Variants in ESRRG observed in about 807,000 individuals in gnomAD.
ESRRG encodes estrogen related receptor gamma, also known as estrogen-related receptor gamma.
Under a neutral mutation model 44.0 loss-of-function variants are expected in ESRRG, and 13 were observed. The observed-to-expected ratio is 0.30, with a 90% CI of 0.19 to 0.47. The LOEUF (loss-of-function observed/expected upper bound fraction) is 0.47. Among genes scored for constraint, ESRRG ranks in the 20% least tolerant of loss-of-function variants. ESRRG has a pLI of 1.00. For synonymous variants in ESRRG, 215 were observed against 214.6 expected (o/e 1.00, Z -0.02); for missense variants, 395 against 580.6 (o/e 0.68, Z 3.29).
chr1:217,063,296 G>A (rs765765461), intron 1 of ESRRG, among the ~76,000 whole-genome samples: 1 of 152,192 alleles, frequency 6.6e-6, no homozygotes, highest in Non-Finnish European at 1.5e-5. Flanking sequence ...ATCTCCTACT[G>A]TGAAGTAACT....
In ESRRG at chr1:217,080,929, G is replaced by A. The variant is rs576957225; in HGVS notation, c.-106+8578C>T. On this transcript the variant is annotated intron_variant, in intron 1 of 7. Transcript: ENST00000359162. Reference sequence around the variant, plus strand: ...CCTGACCTCGTGATCCGCCCGCCTCGGCCTGCCAAAGTGTTGGGATTACAG... The same window carrying A: ...CCTGACCTCGTGATCCGCCCGCCTCAGCCTGCCAAAGTGTTGGGATTACAG... 9.2e-5 allele frequency among the ~76,000 whole-genome samples: 14 copies of A among 151,730 alleles called. 1 individual carries two copies. Among genetic ancestry groups the A allele is most frequent in the African/African-American group, 3.1e-4 (13 of 41,328 alleles).
chr1:216,611,211 CAAA>C (rs397861468), intron 3 of ESRRG, among the ~76,000 whole-genome samples: 68 of 60,422 alleles, frequency 1.1e-3, no homozygotes, highest in East Asian at 3.1e-3. Flanking sequence ...ACTCCGTCCT[CAAA>C]AAAAAAAAAA....
chr1:216,605,363 T>TTG (rs2059790266), intron 3 of ESRRG, among the ~76,000 whole-genome samples: 1 of 151,796 alleles, frequency 6.6e-6, no homozygotes, highest in Non-Finnish European at 1.5e-5. Context: ...TTGCAAAAGA[T>TTG]TATCAATCAT....
chr1:216,665,345 A>C (rs1253228956), intron 2 of ESRRG, among the ~76,000 whole-genome samples: 1 of 151,848 alleles, frequency 6.6e-6, no homozygotes, highest in East Asian at 1.9e-4. Context: ...ATAATGGGGG[A>C]CTCCTGTATT....
At chr1:216,826,491 C>A (rs2095398697) in intron 2 of ESRRG, among the ~76,000 whole-genome samples, 1 of 152,054 alleles carries the variant, frequency 6.6e-6, no homozygotes, top group South Asian at 2.1e-4. Context: ...AGGTTACTGA[C>A]AATAATGCTA....
chr1:217,089,058 C>G (rs757803822), intron 1 of ESRRG, among the ~76,000 whole-genome samples: 1 of 151,936 alleles, frequency 6.6e-6, no homozygotes, highest in African/African-American at 2.4e-5. Flanking sequence ...ATTTTCCAGC[C>G]CATGACAGCA....
chr1:216,729,141 T>C (rs1433293454), intron 2 of ESRRG, among the ~76,000 whole-genome samples: 4 of 152,174 alleles, frequency 2.6e-5, no homozygotes, highest in Non-Finnish European at 4.4e-5. Flanking sequence ...AACAATCTTA[T>C]AGAATTCGTA....
intron 3 of ESRRG, among the ~76,000 whole-genome samples, chr1:216,605,004 A>G (rs1205098381): frequency 6.6e-6 from 1 of 152,002 alleles, no homozygotes; most frequent in Non-Finnish European, 1.5e-5. Flanking sequence ...AGGGAGGGGG[A>G]GATGCTTATA....
chr1:216,566,490 A>G (rs1215322279), intron 4 of ESRRG, among the ~76,000 whole-genome samples: 1 of 152,206 alleles, frequency 6.6e-6, no homozygotes, highest in Non-Finnish European at 1.5e-5. Flanking sequence ...GAAGAAAACC[A>G]TAGATGCTCC....
At chr1:216,735,979 CAA>C (rs5780916) in intron 2 of ESRRG, among the ~76,000 whole-genome samples, 1 of 115,556 alleles carries the variant, frequency 8.7e-6, no homozygotes, top group African/African-American at 3.0e-5. Context: ...CTCCCCATCT[CAA>C]AAAAAAATAT....
At chr1:217,048,855 G>T (rs765841945) in intron 1 of ESRRG, among the ~76,000 whole-genome samples, 11 of 152,128 alleles carry the variant, frequency 7.2e-5, no homozygotes, top group Non-Finnish European at 1.0e-4. Flanking sequence ...CACTCTATCT[G>T]CTCTCAACTT....
intron 2 of ESRRG, among the ~76,000 whole-genome samples, chr1:216,674,663 G>A (rs2075781732): frequency 6.7e-6 from 1 of 148,280 alleles, no homozygotes; most frequent in Non-Finnish European, 1.5e-5. Context: ...GTCACCCCAG[G>A]CTGGAGTGCA....
At chr1:216,774,456 ACATC>A (rs1269845658) in intron 2 of ESRRG, among the ~76,000 whole-genome samples, 27 of 152,228 alleles carry the variant, frequency 1.8e-4, no homozygotes, top group African/African-American at 6.3e-4. Flanking sequence ...TCTCCTCTGT[ACATC>A]AGTCATGCTG....
chr1:216,896,932 T>C (rs920813817), intron 2 of ESRRG, among the ~76,000 whole-genome samples: 5 of 152,176 alleles, frequency 3.3e-5, no homozygotes, highest in Admixed American at 2.0e-4. Flanking sequence ...CAGTGAACAT[T>C]ACACAGGTTA....
intron 5 of ESRRG, among the ~76,000 whole-genome samples, chr1:216,550,956 GAACATGGGAATA>G (rs2149383280): frequency 6.6e-6 from 1 of 152,220 alleles, no homozygotes; most frequent in East Asian, 1.9e-4. Flanking sequence ...CTGATAATCA[GAACATGGGAATA>G]GAGAGCCGCA....
chr1:216,530,127 AAAAAAAG>A (rs2048881508), intron 5 of ESRRG, among the ~76,000 whole-genome samples: 1 of 150,638 alleles, frequency 6.6e-6, no homozygotes, highest in East Asian at 1.9e-4. Flanking sequence ...AAAAAAAAAA[AAAAAAAG>A]GGGGTGGGGG....
intron 2 of ESRRG, among the ~76,000 whole-genome samples, chr1:216,844,102 G>A (rs2095698614): frequency 6.6e-6 from 1 of 152,056 alleles, no homozygotes; most frequent in African/African-American, 2.4e-5. Flanking sequence ...GGGAAAAGGA[G>A]AGGAAGAAGG....
At chr1:217,110,230 G>A (rs539545130) in intron 1 of ESRRG, among the ~76,000 whole-genome samples, 3 of 152,314 alleles carry the variant, frequency 2.0e-5, no homozygotes, top group Admixed American at 6.5e-5. Context: ...ACACTGAAAA[G>A]CAACTACTAG....
chr1:216,518,944 A>G (rs938130229), intron 6 of ESRRG, among the ~76,000 whole-genome samples: 2 of 152,222 alleles, frequency 1.3e-5, no homozygotes, highest in African/African-American at 4.8e-5. Flanking sequence ...GTTTCAAAGC[A>G]TTCAATAAGC....
Sources: allele counts gnomAD v4.1 joint callset (sites outside exome capture counted in the v4.1 genomes callset), GRCh38; gene constraint gnomAD v4.1.1; transcripts MANE v1.5; gene names NCBI Gene and HGNC (gene_info 2026-07-23, HGNC 2026-07-21).